REEP5: variants seen among roughly 807,000 people sequenced by gnomAD.
The protein encoded by REEP5 is receptor expression-enhancing protein 5.
Under a neutral mutation model 22.4 loss-of-function variants are expected in REEP5, and 24 were observed. The ratio of observed to expected loss-of-function variants is 1.07; its 90% CI spans 0.78 to 1.51. The LOEUF is 1.51. Among genes scored for constraint, REEP5 ranks in the 40% most tolerant of loss-of-function variants. REEP5 has a pLI of 0.00. For synonymous variants in REEP5, 103 were observed against 88.6 expected (o/e 1.16, Z -0.92); for missense variants, 252 against 233.0 (o/e 1.08, Z -0.53).
chr5:112,902,431 T>C lies in REEP5; in HGVS notation c.300A>G (p.Glu100=), dbSNP rs1324566713. The change falls in exon 3 of 5, where the codon GAA becomes GAG. Residue 100 remains glutamate, a synonymous_variant. Coordinates refer to ENST00000379638, the MANE Select transcript of REEP5 (RefSeq NM_005669.5). ...ATGACAGGAAGATATCAGAGAAGAA[T>C]TCAGCAATGCTGAACACACCATACA... The part of the protein sequence containing the change: ...WVVYGVFSIA[E]FFSDIFLSWF... 1 of 1,613,096 alleles carries C rather than the reference T, an allele frequency of 6.2e-7. No homozygotes were observed. Among genetic ancestry groups the C allele is most frequent in the Non-Finnish European group, 8.5e-7 (1 of 1,179,766 alleles).
chr5:112,921,222 G>C lies in REEP5; in HGVS notation c.153C>G (p.Phe51Leu), dbSNP rs368322083. Reference protein sequence around the residue: ...VIGLVALYLVFGYGASLLCNL... With the variant: ...VIGLVALYLVLGYGASLLCNL... Reference sequence around the variant, plus strand: ...TGCAGAGGAGAGAGGCTCCATAACCGAACACCAGGTACAAGGCCACCAGTC... The same window carrying C: ...TGCAGAGGAGAGAGGCTCCATAACCCAACACCAGGTACAAGGCCACCAGTC... The change falls in exon 2 of 5, where the codon TTC becomes TTG. Residue 51 changes from phenylalanine to leucine, a missense_variant. Transcript: ENST00000379638. The C allele has an allele frequency of 3.6e-4, 583 of 1,613,986 alleles. 1 individual carries two copies. The highest frequency in any genetic ancestry group is 4.7e-4 in the Non-Finnish European group (555 of 1,180,008).
intron 2 of REEP5, among the ~76,000 whole-genome samples, chr5:112,911,144 G>A (rs1161227217): frequency 1.3e-5 from 2 of 152,172 alleles, no homozygotes; most frequent in African/African-American, 4.8e-5. Context: ...AAGCCTTAGC[G>A]CTATATGGCA....
In REEP5 at chr5:112,906,516, A is replaced by C. The variant is rs140345266; in HGVS notation, c.213-3998T>G. Among the ~76,000 whole-genome samples the C allele has an allele frequency of 1.4e-3, 208 of 152,300 alleles. 5 individuals carry two copies. The East Asian group carries it at 0.035, about 25-fold the overall frequency. ...AGAAAGGTTAAACTGGCCACAGAGC[A>C]GAAAAATAGGAGGCAGGGTCATAGT... On this transcript the variant is annotated intron_variant, in intron 2 of 4. Transcript: ENST00000379638.
In REEP5 at chr5:112,876,847, A is replaced by T. The variant is rs1350379510; in HGVS notation, c.*1939T>A. The stretch of plus-strand genomic sequence containing the variant: ...GGGAACAAAAAAAAATTGCATTCAG[A>T]ATTTAATATAGTATTTTAAAACTAA... On this transcript the variant is annotated 3_prime_UTR_variant, in exon 5 of 5. Transcript: ENST00000379638. The T allele has an allele frequency of 6.6e-6, 1 of 152,148 alleles. No homozygotes were observed. Among genetic ancestry groups the T allele is most frequent in the Non-Finnish European group, 1.5e-5 (1 of 68,022 alleles). The allele number at this position is 152,148 out of a possible 1,614,324, so 9.4% of individuals were successfully genotyped here.
intron 2 of REEP5, among the ~76,000 whole-genome samples, chr5:112,908,336 C>T (rs916769723): frequency 2.0e-5 from 3 of 151,978 alleles, no homozygotes; most frequent in Admixed American, 6.5e-5. Context: ...CTCCTGACCT[C>T]AGGCGATCTA....
At chr5:112,900,555 A>G (rs1441164123) in intron 3 of REEP5, among the ~76,000 whole-genome samples, 1 of 152,208 alleles carries the variant, frequency 6.6e-6, no homozygotes, top group East Asian at 1.9e-4. Flanking sequence ...GCTGTGAACT[A>G]TAACCCAGGA....
At chr5:112,891,819 A>G in intron 3 of REEP5, 1 of 1,587,280 alleles carries the variant, frequency 6.3e-7, no homozygotes, top group Non-Finnish European at 8.7e-7. Flanking sequence ...TTATTGAAGA[A>G]CAACAACTAG....
At chr5:112,879,623 A>G (rs1439600238) in intron 4 of REEP5, among the ~76,000 whole-genome samples, 4 of 151,904 alleles carry the variant, frequency 2.6e-5, no homozygotes, top group South Asian at 2.1e-4. Context: ...ACATGCACTC[A>G]CCACCACGCC....
Position 112,905,185 on chromosome 5 carries a change from C to T in REEP5, c.213-2667G>A, listed in dbSNP as rs143897283. Among the ~76,000 whole-genome samples, 92 of 152,196 alleles carry T rather than the reference C, an allele frequency of 6.0e-4. 1 individual carries two copies. The highest frequency in any genetic ancestry group is 1.1e-3 in the Non-Finnish European group (75 of 67,994). Reference sequence around the variant, plus strand: ...AGAGATGGTCTAGCTCACTCAGGAACGTGAGGTTCAAAAAAGTGAAGTGCC... The same window carrying T: ...AGAGATGGTCTAGCTCACTCAGGAATGTGAGGTTCAAAAAAGTGAAGTGCC... On this transcript the variant is annotated intron_variant, in intron 2 of 4. Transcript: ENST00000379638.
chr5:112,895,062 C>A (rs927035577), intron 3 of REEP5: 1 of 151,470 alleles, frequency 6.6e-6, no homozygotes, highest in Non-Finnish European at 1.5e-5. Flanking sequence ...CATGGTGAAA[C>A]CCTGTCTCTA....
rs116118281 is a variant in REEP5, at chr5:112,920,400, G to C, written c.212+763C>G. Among the ~76,000 whole-genome samples, 645 of 152,194 alleles carry C rather than the reference G, an allele frequency of 4.2e-3. 4 individuals are homozygous for C. Among genetic ancestry groups the C allele is most frequent in the African/African-American group, 0.015 (615 of 41,516 alleles). The stretch of plus-strand genomic sequence containing the variant: ...AGGTAAAAACCACTGGCTTTCTTAG[G>C]AAGAACTGTAGAGCAAAACAAAATT... On this transcript the variant is annotated intron_variant, in intron 2 of 4. Transcript: ENST00000379638.
chr5:112,885,598 C>G, intron 4 of REEP5: 1 of 273,158 alleles, frequency 3.7e-6, no homozygotes, highest in Middle Eastern at 7.1e-4. Context: ...CAACTTAGAC[C>G]CACTAGTGTT....
At chr5:112,894,114 GGTTTTT>G (rs1375972493) in intron 3 of REEP5, 6 of 132,988 alleles carry the variant, frequency 4.5e-5, no homozygotes, top group African/African-American at 2.1e-4. Context: ...TTGTTTTTTT[GGTTTTT>G]TTTGTTTTTT....
At chr5:112,881,874 C>T (rs577640190) in intron 4 of REEP5, 1 of 152,174 alleles carries the variant, frequency 6.6e-6, no homozygotes, top group African/African-American at 2.4e-5. Context: ...AGGTGATCCT[C>T]CCATCTCAGC....
chr5:112,907,618 G>C (rs1053829510), intron 2 of REEP5, among the ~76,000 whole-genome samples: 3 of 152,210 alleles, frequency 2.0e-5, no homozygotes, highest in Non-Finnish European at 4.4e-5. Flanking sequence ...ACCATGTGTG[G>C]AGTTGGAAGA....
At chr5:112,892,636 T>C in intron 3 of REEP5, 8 of 1,614,130 alleles carry the variant, frequency 5.0e-6, no homozygotes, top group Non-Finnish European at 6.8e-6. Flanking sequence ...ACACTGCAAC[T>C]TTCTTCATGT....
chr5:112,891,699 C>A, intron 3 of REEP5: 1 of 1,613,932 alleles, frequency 6.2e-7, no homozygotes, highest in Non-Finnish European at 8.5e-7. Context: ...AGAAACCAAG[C>A]CACAAAAAGT....
rs1323499833 is a variant in REEP5 at position 112,878,125 on chromosome 5, A to G, written c.*661T>C. 1 of 152,398 alleles carries G rather than the reference A, an allele frequency of 6.6e-6. No individual in the cohort carries two copies. The highest frequency in any genetic ancestry group is 2.4e-5 in the African/African-American group (1 of 41,398). 9.4% of individuals were successfully genotyped at this position (152,398 alleles called of 1,614,324 possible). On this transcript the variant is annotated 3_prime_UTR_variant, in exon 5 of 5. Transcript: ENST00000379638. Reference sequence around the variant, plus strand: ...ATATACTACGGAAACAACCAGGCCAATCTCCATTCGATTTCATTTCTCACT... The same window carrying G: ...ATATACTACGGAAACAACCAGGCCAGTCTCCATTCGATTTCATTTCTCACT...
At chr5:112,898,973 T>C (rs1191494080) in intron 3 of REEP5, among the ~76,000 whole-genome samples, 1 of 152,238 alleles carries the variant, frequency 6.6e-6, no homozygotes, top group South Asian at 2.1e-4. Context: ...ATACTGAGCA[T>C]GTTTTCATTT....
Sources: allele counts gnomAD v4.1 joint callset (sites outside exome capture counted in the v4.1 genomes callset), GRCh38; gene constraint gnomAD v4.1.1; transcripts MANE v1.5; gene names NCBI Gene and HGNC (gene_info 2026-07-23, HGNC 2026-07-21).